DYRK4: variants seen among roughly 807,000 people sequenced by gnomAD.
DYRK4 encodes the protein dual specificity tyrosine phosphorylation regulated kinase 4.
In DYRK4, 64 loss-of-function variants were observed where a neutral mutation model predicts 68.3. The observed-to-expected ratio is 0.94, with a 90% CI of 0.77 to 1.15. DYRK4 has a LOEUF of 1.15. Among genes scored for constraint, DYRK4 ranks in the 50% most tolerant of loss-of-function variants. The pLI, the probability that DYRK4 is intolerant of heterozygous loss-of-function variation, is 0.00. For missense variants in DYRK4, 740 were observed against 764.7 expected, an observed-to-expected ratio of 0.97 and a Z score of 0.38; for synonymous variants, 274 against 289.9, an observed-to-expected ratio of 0.95 and a Z score of 0.56.
chr12:4,586,640 G>A (rs1322144358), intron 2 of DYRK4, among the ~76,000 whole-genome samples: 2 of 151,968 alleles, frequency 1.3e-5, no homozygotes. Context: ...AGTGTGCAGA[G>A]ATGTAGAGGC....
chr12:4,564,129 G>A (rs1944654507), intron 1 of DYRK4, among the ~76,000 whole-genome samples: 1 of 152,116 alleles, frequency 6.6e-6, no homozygotes, highest in Non-Finnish European at 1.5e-5. Flanking sequence ...GAGGGTCCAA[G>A]GAATTCTCTG....
In DYRK4 at chr12:4,605,081, A is replaced by T. The variant is rs200900846; in HGVS notation, c.1294A>T (p.Met432Leu). 2.2e-4 allele frequency: 358 copies of T among 1,611,794 alleles called. 1 individual carries two copies. In the East Asian group the frequency reaches 7.3e-3, roughly 33 times the overall value. Reference sequence around the variant, plus strand: ...TGAGGTGGAGCAGCTGGCCTGCATCATGGAGGTACGCGGAGGGCTGGCGGT... The same window carrying T: ...TGAGGTGGAGCAGCTGGCCTGCATCTTGGAGGTACGCGGAGGGCTGGCGGT... Reference protein sequence around the residue: ...ENEVEQLACIMEVLGLPPAGF... With the variant: ...ENEVEQLACILEVLGLPPAGF... The change falls in exon 11 of 15, where the codon ATG (methionine) becomes TTG (leucine). Residue 432 changes from methionine (M) to leucine (L), a missense_variant. Transcript: ENST00000543431.
intron 3 of DYRK4, 75 bp downstream of exon 3, chr12:4,589,092 G>A (rs1440810196): frequency 1.4e-6 from 2 of 1,384,150 alleles, no homozygotes; most frequent in East Asian, 2.5e-5. Flanking sequence ...GCTTTGAACA[G>A]ACAGTTTTGG....
intron 10 of DYRK4, chr12:4,603,171 T>C: frequency 2.3e-6 from 3 of 1,292,866 alleles, no homozygotes; most frequent in Non-Finnish European, 3.4e-6. Flanking sequence ...GGTACCGAAA[T>C]GAAGTCATTT....
At chr12:4,610,071 A>T in intron 12 of DYRK4, 84 bp from the exon 13 acceptor site, 1 of 1,296,178 alleles carries the variant, frequency 7.7e-7, no homozygotes, top group Non-Finnish European at 1.0e-6. Context: ...CAAAAGAGCT[A>T]CAGAGGCCAC....
At chr12:4,579,705 C>G (rs1250202234) in intron 2 of DYRK4, among the ~76,000 whole-genome samples, 1 of 152,196 alleles carries the variant, frequency 6.6e-6, no homozygotes, top group Admixed American at 6.5e-5. Context: ...CATAAATCCA[C>G]TTTATATTAT....
chr12:4,597,201 G>C, intron 8 of DYRK4: 1 of 981,410 alleles, frequency 1.0e-6, no homozygotes, highest in Non-Finnish European at 1.2e-6. Flanking sequence ...AGCAGAGCCT[G>C]ACTTCAATAG....
chr12:4,604,917 A>T lies in DYRK4; in HGVS notation c.1130A>T (p.Tyr377Phe), dbSNP rs778852958. The T allele has an allele frequency of 6.2e-7, 1 of 1,605,962 alleles. No homozygotes were observed. The highest frequency in any genetic ancestry group is 1.1e-5 in the South Asian group (1 of 90,310). ...GSSCYEHQKV[Y>F]TYIQSRFYRS... ...TTCTCTTACTTTGCCTCCGCAGTAT[A>T]CACGTACATCCAAAGCCGGTTCTAC... is the stretch of plus-strand genomic sequence containing the variant. The change falls in exon 11 of 15, where the codon TAC becomes TTC. Residue 377 changes from tyrosine to phenylalanine, a missense_variant. Around this residue, in one of 3 missense-constraint regions of DYRK4, gnomAD observed 614 missense variants for 603.7 expected, o/e 1.02. Coordinates refer to ENST00000543431, the MANE Select transcript of DYRK4 (RefSeq NM_001394779.1).
intron 11 of DYRK4, 137 bp from the exon 12 acceptor site, chr12:4,607,190 T>C (rs1262503078): frequency 5.5e-6 from 5 of 912,622 alleles, no homozygotes; most frequent in South Asian, 4.9e-5. Flanking sequence ...TTTGCTCTGC[T>C]ACTGACCAGA....
chr12:4,565,331 AAG>A (rs1255312561), intron 1 of DYRK4, among the ~76,000 whole-genome samples: 3 of 152,226 alleles, frequency 2.0e-5, no homozygotes, highest in African/African-American at 7.2e-5. Context: ...AATAAGTCAC[AAG>A]AGATTTTTTT....
At position 4,568,804 on chromosome 12, in the gene DYRK4, T is replaced by C. The variant is rs193124153; in HGVS notation, c.132+756T>C. Among the ~76,000 whole-genome samples the C allele has an allele frequency of 9.8e-5, 15 of 152,330 alleles. No individual in the cohort carries two copies. The East Asian group carries it at 2.7e-3, about 27-fold the overall frequency. The stretch of plus-strand genomic sequence containing the variant: ...TGATGGGATGACTTTGTGATAACCA[T>C]CTATGGGATCAACTTCCAAATCAGG... On this transcript the variant is annotated intron_variant, in intron 2 of 14. Transcript: ENST00000543431.
In DYRK4 at chr12:4,604,853, G is replaced by C; in HGVS notation, c.1127-61G>C. 30 of 1,493,552 alleles carry C rather than the reference G, an allele frequency of 2.0e-5. 1 individual carries two copies. The South Asian group carries it at 3.8e-4, about 19-fold the overall frequency. 92.5% of individuals were successfully genotyped at this position (1,493,552 alleles called of 1,614,324 possible). On this transcript the variant is annotated intron_variant, in intron 10 of 14. Coordinates refer to ENST00000543431, the MANE Select transcript of DYRK4 (RefSeq NM_001394779.1). ...GTCTAACTGAGAAGTTGTCCTGGGGGAGAGCGTTCTGGAGGGTAAGAAGTT... is the reference window on the plus strand; with the variant it reads ...GTCTAACTGAGAAGTTGTCCTGGGGCAGAGCGTTCTGGAGGGTAAGAAGTT...
At chr12:4,563,124 A>G in intron 1 of DYRK4, 1 of 456,096 alleles carries the variant, frequency 2.2e-6, no homozygotes, top group South Asian at 1.5e-5. Context: ...GGAAACAACA[A>G]ATGAAAATGT....
chr12:4,564,155 AC>A (rs1176238300), intron 1 of DYRK4, among the ~76,000 whole-genome samples: 1 of 152,208 alleles, frequency 6.6e-6, no homozygotes, highest in Non-Finnish European at 1.5e-5. Context: ...AATGAGTGTG[AC>A]TTAAAATACA....
chr12:4,572,311 T>C (rs12424658), intron 2 of DYRK4, among the ~76,000 whole-genome samples: 52,100 of 151,984 alleles, frequency 0.34, 10,334 homozygotes, highest in Middle Eastern at 0.47. Context: ...TGACAGAGTC[T>C]GGCTCTGTCG....
intron 1 of DYRK4, among the ~76,000 whole-genome samples, chr12:4,566,302 C>T (rs938797846): frequency 6.6e-6 from 1 of 152,208 alleles, no homozygotes; most frequent in African/African-American, 2.4e-5. Context: ...ACTTGGACTA[C>T]GTGCCCCTTT....
Position 4,567,986 on chromosome 12 carries a change from T to C in DYRK4, c.70T>C (p.Cys24Arg), listed in dbSNP as rs886421756. 2 of 1,536,138 alleles carry C rather than the reference T, an allele frequency of 1.3e-6. No individual in the cohort carries two copies. Residue 24 changes from cysteine (C) to arginine (R), a missense_variant, in exon 2 of 15, where the codon TGT (cysteine) becomes CGT (arginine). By Grantham distance (180) the Cys-to-Arg change is radical (BLOSUM62 -3). Transcript: ENST00000543431. Reference sequence around the variant, plus strand: ...AATGGATGCTAAAAAGCCAAGGAAATGTGATTTGACTCCCTTCCTGGTTTT... The same window carrying C: ...AATGGATGCTAAAAAGCCAAGGAAACGTGATTTGACTCCCTTCCTGGTTTT... ...TQMDAKKPRK[C>R]DLTPFLVLKA...
rs139436066 is a variant in DYRK4, at chr12:4,597,736, G to A, written c.905+1007G>A. ...CAGAGCCAAGACTCACATCTCCATT[G>A]CAGCCCTCAAGAATGAATGGTGGCC... On this transcript the variant is annotated intron_variant, in intron 8 of 14. Transcript: ENST00000543431. 3.4e-3 allele frequency among the ~76,000 whole-genome samples: 519 copies of A among 152,212 alleles called. 3 individuals carry two copies. The highest frequency in any genetic ancestry group is 0.011 in the African/African-American group (470 of 41,528).
At chr12:4,598,854 C>T (rs535761266) in intron 8 of DYRK4, among the ~76,000 whole-genome samples, 174 bp from the exon 9 acceptor site, 7 of 152,296 alleles carry the variant, frequency 4.6e-5, no homozygotes, top group South Asian at 4.1e-4. Context: ...ACCCTGCGCC[C>T]ACCACGATTC....
Sources: allele counts gnomAD v4.1 joint callset (sites outside exome capture counted in the v4.1 genomes callset), GRCh38; gene constraint gnomAD v4.1.1; regional missense constraint gnomAD v4.1.1; transcripts MANE v1.5; gene names NCBI Gene and HGNC (gene_info 2026-07-23, HGNC 2026-07-21).